Variants in TVP23A observed in about 807,000 individuals in gnomAD.
TVP23A encodes trans-golgi network vesicle protein 23 homolog A.
Under a neutral mutation model 31.7 loss-of-function variants are expected in TVP23A, and 21 were observed. The observed-to-expected ratio is 0.66, with a 90% CI of 0.47 to 0.95. The LOEUF (loss-of-function observed/expected upper bound fraction) is 0.95, where lower values mean the gene tolerates loss of function less well. Among genes scored for constraint, TVP23A ranks in the 40% least tolerant of loss-of-function variants. The pLI, the probability that TVP23A is intolerant of heterozygous loss-of-function variation, is 0.00. For missense variants in TVP23A, 279 were observed against 255.6 expected (o/e 1.09, Z -0.62); for synonymous variants, 104 against 96.0 (o/e 1.08, Z -0.49).
intron 2 of TVP23A, among the ~76,000 whole-genome samples, chr16:10,796,727 C>A (rs187052945): frequency 6.6e-6 from 1 of 152,112 alleles, no homozygotes; most frequent in Non-Finnish European, 1.5e-5. Context: ...CGTGAGCCAC[C>A]GCGCCCGGCC....
At chr16:10,762,594 T>C (rs2142767820), downstream of TVP23A, among the ~76,000 whole-genome samples, 1 of 152,240 alleles carries the variant, frequency 6.6e-6, no homozygotes, top group East Asian at 1.9e-4. Flanking sequence ...GTGGGGCTCC[T>C]GCGGGGCGTC....
chr16:10,761,196 G>T, downstream of TVP23A: 1 of 563,820 alleles, frequency 1.8e-6, no homozygotes, highest in Non-Finnish European at 3.2e-6. Context: ...GGGGATTACA[G>T]TTCGAGCTGA....
intron 2 of TVP23A, chr16:10,808,468 A>G (rs2034044972): frequency 2.2e-6 from 1 of 453,628 alleles, no homozygotes; most frequent in Non-Finnish European, 4.4e-6. Flanking sequence ...TCTTCTCAAT[A>G]TGACATTCAC....
At chr16:10,763,608 GC>G (rs1459193952), downstream of TVP23A, 1 of 152,348 alleles carries the variant, frequency 6.6e-6, no homozygotes, top group East Asian at 1.9e-4. Context: ...GCCCTCTGAG[GC>G]CCCTGGAGGC....
At chr16:10,803,811 C>G (rs1052963346) in intron 2 of TVP23A, among the ~76,000 whole-genome samples, 1 of 152,134 alleles carries the variant, frequency 6.6e-6, no homozygotes, top group African/African-American at 2.4e-5. Context: ...TGTTACAGAA[C>G]ACTGCTTAGC....
intron 2 of TVP23A, among the ~76,000 whole-genome samples, chr16:10,812,024 ATATT>A: frequency 6.6e-6 from 1 of 152,224 alleles, no homozygotes; most frequent in East Asian, 1.9e-4. Flanking sequence ...ATAAGAGAAA[ATATT>A]AATATACAGA....
chr16:10,808,389 G>C (rs990996432), intron 2 of TVP23A: 1 of 358,326 alleles, frequency 2.8e-6, no homozygotes, highest in Non-Finnish European at 5.5e-6. Flanking sequence ...TTTACTTCAC[G>C]TGTTTGCCTG....
At chr16:10,762,767 C>G (rs114972618), downstream of TVP23A, among the ~76,000 whole-genome samples, 1 of 146,908 alleles carries the variant, frequency 6.8e-6, no homozygotes, top group Non-Finnish European at 1.5e-5. Flanking sequence ...AGAGAGGGGC[C>G]GGGCGGGTGA....
intron 5 of TVP23A, 31 bp from the exon 6 acceptor site, chr16:10,771,829 T>C (rs1057001658): frequency 1.9e-6 from 3 of 1,541,224 alleles, no homozygotes; most frequent in African/African-American, 1.4e-5. Flanking sequence ...CAAAGGTCAC[T>C]TTTTTTTGAG....
At chr16:10,797,960 T>C (rs950217755) in intron 2 of TVP23A, among the ~76,000 whole-genome samples, 2 of 146,252 alleles carry the variant, frequency 1.4e-5, no homozygotes, top group Admixed American at 6.8e-5. Context: ...TTTTTCTTTT[T>C]TTTTTTTTTT....
intron 2 of TVP23A, among the ~76,000 whole-genome samples, chr16:10,805,894 G>A (rs1245428455): frequency 6.6e-6 from 1 of 152,018 alleles, no homozygotes; most frequent in African/African-American, 2.4e-5. Flanking sequence ...TCTCAAAGAG[G>A]TGGGCGATCT....
At chr16:10,796,127 C>T (rs1444007425) in intron 2 of TVP23A, among the ~76,000 whole-genome samples, 2 of 151,996 alleles carry the variant, frequency 1.3e-5, no homozygotes, top group Non-Finnish European at 2.9e-5. Flanking sequence ...GCAAGAGGAT[C>T]GCTTGAGCCC....
chr16:10,771,586 T>C, intron 6 of TVP23A, 84 bp downstream of exon 6: 2 of 1,551,124 alleles, frequency 1.3e-6, no homozygotes, highest in Non-Finnish European at 1.8e-6. Context: ...ATATGTTACA[T>C]TACAAACCGC....
chr16:10,777,980 C>T lies in TVP23A; in HGVS notation c.90-2884G>A, dbSNP rs996147428. The stretch of plus-strand genomic sequence containing the variant: ...GAGTTGAGATCGTACTACTGCACTC[C>T]AGCCTGGTGACAGAGCGAGACTCCG... On this transcript the variant is annotated intron_variant, in intron 2 of 7. Coordinates refer to ENST00000299866, the MANE Select transcript of TVP23A (RefSeq NM_001079512.4). The surrounding 1 kb of genome is among the most constrained non-coding windows in gnomAD (Gnocchi z 4.5). Among the ~76,000 whole-genome samples, 4 of 151,500 alleles carry T rather than the reference C, an allele frequency of 2.6e-5. No individual in the cohort carries two copies. In the South Asian group the frequency reaches 6.3e-4, roughly 24 times the overall value.
chr16:10,778,069 C>A (rs527809401), intron 2 of TVP23A, among the ~76,000 whole-genome samples: 1 of 152,200 alleles, frequency 6.6e-6, no homozygotes, highest in East Asian at 1.9e-4. Context: ...TGTGGTGGCT[C>A]ACACCTGTAA....
downstream of TVP23A, among the ~76,000 whole-genome samples, chr16:10,757,692 G>A (rs544554005): frequency 6.6e-6 from 1 of 152,290 alleles, no homozygotes; most frequent in South Asian, 2.1e-4. This position sits in a 1 kb window ranked among gnomAD's most constrained non-coding sequence, Gnocchi z 4.1. Context: ...GCTGGGCACA[G>A]TGGCACGCAC....
In TVP23A at chr16:10,766,698, A is replaced by G. The variant is rs1219926820; in HGVS notation, c.*2404T>C. On this transcript the variant is annotated 3_prime_UTR_variant, in exon 8 of 8. Transcript: ENST00000299866. The surrounding 1 kb of genome is among the most constrained non-coding windows in gnomAD (Gnocchi z 4.8). ...AAGAAAGGAAGGAAGGAAGGGATTT[A>G]TTGAAAATGAAAGTCAACTCCACGG... is the stretch of plus-strand genomic sequence containing the variant. The G allele has an allele frequency of 5.4e-6, 2 of 372,528 alleles. No homozygotes were observed. The highest frequency in any genetic ancestry group is 9.5e-6 in the Non-Finnish European group (2 of 210,296). The allele number at this position is 372,528 out of a possible 1,614,324, so 23.1% of individuals were successfully genotyped here. A position where few individuals can be genotyped will look rare whatever the true frequency, so the allele number is the denominator to read the frequency against.
chr16:10,783,051 A>C (rs1010462733), intron 2 of TVP23A, among the ~76,000 whole-genome samples: 1 of 152,148 alleles, frequency 6.6e-6, no homozygotes, highest in African/African-American at 2.4e-5. Context: ...CACAATCCCA[A>C]GGGGTTGTGT....
Position 10,774,148 on chromosome 16 carries a change from G to C in TVP23A, c.235-20C>G, listed in dbSNP as rs374392697. ...TACATTCTGAGAACAATAGACAAAG[G>C]ACTCTGAGCAGGTCACAGGCAAAGA... On this transcript the variant is annotated intron_variant, in intron 3 of 7. Coordinates refer to ENST00000299866, the MANE Select transcript of TVP23A (RefSeq NM_001079512.4). The C allele has an allele frequency of 6.3e-7, 1 of 1,586,662 alleles. No homozygotes were observed. The highest frequency in any genetic ancestry group is 1.7e-5 in the Admixed American group (1 of 57,386).
Sources: gnomAD v4.1 joint callset for allele counts (sites outside exome capture counted in the v4.1 genomes callset) on GRCh38, gnomAD v4.1.1 for gene constraint, Gnocchi (gnomAD v3.1) non-coding constraint, MANE v1.5 for transcripts, NCBI Gene and HGNC (gene_info 2026-07-23, HGNC 2026-07-21) for gene names.